The following TRUB2 variants were observed in gnomAD, a reference collection of about 807,000 sequenced individuals.
TRUB2 encodes pseudouridylate synthase TRUB2, mitochondrial.
TRUB2 carries 31 observed loss-of-function variants against 31.9 expected under a neutral mutation model. That is an observed-to-expected ratio of 0.97 (90% confidence interval 0.73 to 1.31). TRUB2 has a LOEUF of 1.31. TRUB2 is among the 50% of genes most tolerant of loss of function. The pLI, the probability that TRUB2 is intolerant of heterozygous loss-of-function variation, is 0.00. For missense variants in TRUB2, 451 were observed against 439.6 expected (o/e 1.03, Z -0.23); for synonymous variants, 201 against 182.6 (o/e 1.10, Z -0.81).
intron 5 of TRUB2, 138 bp downstream of exon 5, chr9:128,313,670 G>C: frequency 1.3e-6 from 1 of 741,122 alleles, no homozygotes; most frequent in Non-Finnish European, 2.4e-6. Context: ...CTGGAGCACA[G>C]ATCCCGTGGC....
rs1487924359 is a variant in TRUB2 at position 128,308,951 on chromosome 9, TTGAG to T, written c.*595_*598del. 1 of 152,262 alleles carries T rather than the reference TTGAG, an allele frequency of 6.6e-6. No homozygotes were observed. The highest frequency in any genetic ancestry group is 2.4e-5 in the African/African-American group (1 of 41,350). 9.4% of individuals were successfully genotyped at this position (152,262 alleles called of 1,614,324 possible). ...TCTGTGTCTTCCAGTATTAAAGAGGTTGAGTGTCATTTCTGGCTTACTAGCCATT... is the reference window on the plus strand; with the variant it reads ...TCTGTGTCTTCCAGTATTAAAGAGGTTGTCATTTCTGGCTTACTAGCCATT... On this transcript the variant is annotated 3_prime_UTR_variant, in exon 8 of 8. Transcript: ENST00000372890.
chr9:128,310,737 G>A (rs111325884), intron 7 of TRUB2, 150 bp downstream of exon 7: 17 of 1,058,828 alleles, frequency 1.6e-5, no homozygotes, highest in East Asian at 5.1e-5. Context: ...GAAGGAAGTC[G>A]GCACCTGATG....
chr9:128,321,664 C>T lies in TRUB2; in HGVS notation c.176G>A (p.Gly59Asp). ...RVRFLLGPMEGSEEKELTLTA... is the reference protein window; with the variant it reads ...RVRFLLGPMEDSEEKELTLTA... Reference sequence around the variant, plus strand: ...GAGGGTCAGCTCCTTCTCTTCGCTGCCTTCCATGGGGCCCAGCAAGAAGCG... The same window carrying T: ...GAGGGTCAGCTCCTTCTCTTCGCTGTCTTCCATGGGGCCCAGCAAGAAGCG... Residue 59 changes from glycine (G) to aspartate (D), a missense_variant, in exon 2 of 8, where the codon GGC becomes GAC. Transcript: ENST00000372890. 2 of 1,613,990 alleles carry T rather than the reference C, an allele frequency of 1.2e-6. No individual in the cohort carries two copies. Among genetic ancestry groups the T allele is most frequent in the Non-Finnish European group, 1.7e-6 (2 of 1,180,028 alleles).
rs563659689 is a variant in TRUB2, at chr9:128,308,646, C to G, written c.*904G>C. 1.3e-5 allele frequency: 2 copies of G among 152,204 alleles called. No individual in the cohort carries two copies. The highest frequency in any genetic ancestry group is 1.3e-4 in the Admixed American group (2 of 15,268). 9.4% of individuals were successfully genotyped at this position (152,204 alleles called of 1,614,324 possible). A position where few individuals can be genotyped will look rare whatever the true frequency, so the allele number is the denominator to read the frequency against. ...GGAGCTCATTCAATAAACTGAAGAC[C>G]TTTAAGAGAAAAGACTGAGGTCCCG... On this transcript the variant is annotated 3_prime_UTR_variant, in exon 8 of 8. Transcript: ENST00000372890.
intron 2 of TRUB2, among the ~76,000 whole-genome samples, chr9:128,319,973 T>C (rs1262748538): frequency 6.6e-6 from 1 of 151,748 alleles, no homozygotes; most frequent in Non-Finnish European, 1.5e-5. Context: ...TGGAGTGCAG[T>C]GGCACGATCT....
At position 128,309,709 on chromosome 9, in the gene TRUB2, G is replaced by A. The variant is rs201948048; in HGVS notation, c.837C>T (p.Ile279=). Residue 279 remains isoleucine (I), a synonymous_variant, in exon 8 of 8, where the codon ATC becomes ATT. Coordinates refer to ENST00000372890, the MANE Select transcript of TRUB2 (RefSeq NM_015679.3). ...LLRTQWDLTN[I]QDAIRAATPQ... ...GGGTAGCAGCCCGGATAGCATCCTG[G>A]ATGTTGGTTAGGTCCCACTGGGTCC... The A allele has an allele frequency of 5.6e-5, 91 of 1,614,242 alleles. No homozygotes were observed. In the East Asian group the frequency reaches 1.9e-3, roughly 34 times the overall value.
chr9:128,313,171 C>A (rs949280846), intron 5 of TRUB2, among the ~76,000 whole-genome samples: 1 of 150,634 alleles, frequency 6.6e-6, no homozygotes, highest in African/African-American at 2.4e-5. Flanking sequence ...AAGCCAAGAT[C>A]GCGCCACTGC....
chr9:128,318,955 G>A (rs1457195709), intron 2 of TRUB2, among the ~76,000 whole-genome samples: 1 of 151,998 alleles, frequency 6.6e-6, no homozygotes, highest in Non-Finnish European at 1.5e-5. Context: ...GCCGAGGCAG[G>A]CAGATCACTT....
At chr9:128,311,129 TG>T (rs1387817018) in intron 6 of TRUB2, 106 bp from the exon 7 acceptor site, 1 of 1,486,372 alleles carries the variant, frequency 6.7e-7, no homozygotes, top group Non-Finnish European at 9.1e-7. Flanking sequence ...CCTGCCACCG[TG>T]GCTCCTCCAG....
intron 5 of TRUB2, 111 bp from the exon 6 acceptor site, chr9:128,311,712 T>C: frequency 2.6e-6 from 3 of 1,171,022 alleles, no homozygotes; most frequent in Non-Finnish European, 3.8e-6. Context: ...GAGGATGTTT[T>C]GGAGGGATCC....
chr9:128,310,947 A>C lies in TRUB2; in HGVS notation c.610T>G (p.Ser204Ala). Reference sequence around the variant, plus strand: ...CGGATGCCAGTTATCAGCATCGGGGACTTGTTCATGGGCCGGATCAGGCCT... The same window carrying C: ...CGGATGCCAGTTATCAGCATCGGGGCCTTGTTCATGGGCCGGATCAGGCCT... ...VRGLIRPMNK[S>A]PMLITGIRCL... The change falls in exon 7 of 8, where the codon TCC becomes GCC. Residue 204 changes from serine to alanine, a missense_variant. Coordinates refer to ENST00000372890, the MANE Select transcript of TRUB2 (RefSeq NM_015679.3). 6.2e-7 allele frequency: 1 copy of C among 1,614,114 alleles called. No individual in the cohort carries two copies. Among genetic ancestry groups the C allele is most frequent in the South Asian group, 1.1e-5 (1 of 91,084 alleles).
intron 7 of TRUB2, among the ~76,000 whole-genome samples, chr9:128,310,361 G>T (rs996554605): frequency 1.3e-5 from 2 of 151,790 alleles, no homozygotes; most frequent in African/African-American, 4.8e-5. Context: ...GTTATGAGGA[G>T]TAAAAGAAAT....
intron 2 of TRUB2, among the ~76,000 whole-genome samples, chr9:128,317,595 C>T (rs1832091537): frequency 6.6e-6 from 1 of 152,176 alleles, no homozygotes; most frequent in Non-Finnish European, 1.5e-5. Flanking sequence ...GGTGTGTCAA[C>T]TCACTAGCTG....
intron 4 of TRUB2, 69 bp downstream of exon 4, chr9:128,315,497 CT>C: frequency 6.5e-7 from 1 of 1,532,846 alleles, no homozygotes; most frequent in Non-Finnish European, 8.9e-7. Flanking sequence ...ATCCTCTAAG[CT>C]TCAGAATCCT....
chr9:128,313,568 A>T (rs1178059975), intron 5 of TRUB2, among the ~76,000 whole-genome samples: 2 of 152,010 alleles, frequency 1.3e-5, no homozygotes, highest in Non-Finnish European at 2.9e-5. Context: ...AAGAAAAGGA[A>T]AAGGTCAAAG....
intron 6 of TRUB2, 135 bp downstream of exon 6, chr9:128,311,394 A>G: frequency 1.1e-6 from 1 of 925,750 alleles, no homozygotes; most frequent in South Asian, 1.5e-5. Context: ...TAATGCCAAG[A>G]AAGAAACAGG....
chr9:128,316,985 C>T (rs1564385079), intron 3 of TRUB2, 167 bp downstream of exon 3: 4 of 601,956 alleles, frequency 6.6e-6, no homozygotes, highest in Admixed American at 3.1e-5. Context: ...TGATTACCTC[C>T]GTCCCACCTA....
At chr9:128,317,517 GC>G (rs1440700277) in intron 2 of TRUB2, among the ~76,000 whole-genome samples, 1 of 152,220 alleles carries the variant, frequency 6.6e-6, no homozygotes, top group Non-Finnish European at 1.5e-5. Context: ...GGGGTTCCCT[GC>G]CCAGCTCTAC....
rs1831879428 is a variant in TRUB2 at position 128,307,134 on chromosome 9, A to G, written c.*2416T>C. 1 of 152,184 alleles carries G rather than the reference A, an allele frequency of 6.6e-6. No homozygotes were observed. Among genetic ancestry groups the G allele is most frequent in the South Asian group, 2.1e-4 (1 of 4,828 alleles). 9.4% of individuals were successfully genotyped at this position (152,184 alleles called of 1,614,324 possible). ...TAGCTGGGCGTGGTGGTGAACGCCTATAATCCCAGCTACTTGGGTGGCTGA... is the reference window on the plus strand; with the variant it reads ...TAGCTGGGCGTGGTGGTGAACGCCTGTAATCCCAGCTACTTGGGTGGCTGA... On this transcript the variant is annotated 3_prime_UTR_variant, in exon 8 of 8. Coordinates refer to ENST00000372890, the MANE Select transcript of TRUB2 (RefSeq NM_015679.3).
Sources: gnomAD v4.1 joint callset for allele counts (sites outside exome capture counted in the v4.1 genomes callset) on GRCh38, gnomAD v4.1.1 for gene constraint, MANE v1.5 for transcripts, NCBI Gene and HGNC (gene_info 2026-07-23, HGNC 2026-07-21) for gene names.